WWOX: variants seen among roughly 807,000 people sequenced by gnomAD.
WWOX encodes the protein WW domain containing oxidoreductase, also known as WW domain-containing oxidoreductase.
A neutral mutation model predicts 46.2 loss-of-function variants in WWOX; 69 were observed. The ratio of observed to expected loss-of-function variants is 1.49; its 90% CI spans 1.23 to 1.82. The LOEUF (loss-of-function observed/expected upper bound fraction) is 1.82, where lower values mean the gene tolerates loss of function less well. WWOX is among the 40% of genes most tolerant of loss of function. The pLI is 0.00. For missense variants in WWOX, 919 were observed against 542.6 expected, an observed-to-expected ratio of 1.69 and a Z score of -6.89; for synonymous variants, 359 against 202.6, an observed-to-expected ratio of 1.77 and a Z score of -6.56.
chr16:79,095,712 T>G (rs2049053943), intron 8 of WWOX, among the ~76,000 whole-genome samples: 1 of 151,956 alleles, frequency 6.6e-6, no homozygotes. Context: ...AGGGACTGAG[T>G]TCTTCTCAAC....
At chr16:78,602,243 A>AT (rs1336068303) in intron 8 of WWOX, among the ~76,000 whole-genome samples, 21 of 151,698 alleles carry the variant, frequency 1.4e-4, no homozygotes, top group Admixed American at 9.2e-4. Flanking sequence ...ATCTGGATAG[A>AT]TTTTTTTTAG....
intron 8 of WWOX, among the ~76,000 whole-genome samples, chr16:79,145,044 C>T (rs1326186808): frequency 6.6e-6 from 1 of 152,098 alleles, no homozygotes; most frequent in Admixed American, 6.6e-5. Context: ...CATAAATTTG[C>T]CTGTAAGTGA....
At position 78,403,481 on chromosome 16, in the gene WWOX, C is replaced by G. The variant is rs567687839; in HGVS notation, c.605+16533C>G. The stretch of plus-strand genomic sequence containing the variant: ...CTGCTTTAGTATTGCTTTATGCCTA[C>G]GAAATATAATGTTAATTTGTAGCAA... On this transcript the variant is annotated intron_variant, in intron 6 of 8. Coordinates refer to ENST00000566780, the MANE Select transcript of WWOX (RefSeq NM_016373.4). Among the ~76,000 whole-genome samples the G allele has an allele frequency of 3.2e-4, 49 of 152,218 alleles. No homozygotes were observed. In the South Asian group the frequency reaches 9.7e-3, roughly 30 times the overall value.
chr16:78,101,373 G>T (rs1368207391), intron 1 of WWOX, among the ~76,000 whole-genome samples: 1 of 25,432 alleles, frequency 3.9e-5, no homozygotes, highest in Non-Finnish European at 1.2e-4. Context: ...TAAAGACAGG[G>T]TCTCGCTCCG....
At chr16:78,736,911 C>G (rs945142657) in intron 8 of WWOX, among the ~76,000 whole-genome samples, 6 of 151,904 alleles carry the variant, frequency 3.9e-5, no homozygotes, top group Non-Finnish European at 8.8e-5. Context: ...GCCCGGCCCA[C>G]AATGGTTTTC....
rs1491454431 is a variant in WWOX at position 78,858,143 on chromosome 16, T to TG, written c.1057-353465_1057-353464insG. ...TACCTCTATATACATACATTGTGTG[T>TG]TTGTGTGTGTGTGTGTGTGTGTGTG... is the stretch of plus-strand genomic sequence containing the variant. On this transcript the variant is annotated intron_variant, in intron 8 of 8. Coordinates refer to ENST00000566780, the MANE Select transcript of WWOX (RefSeq NM_016373.4). Among the ~76,000 whole-genome samples, 372 of 107,942 alleles carry TG rather than the reference T, an allele frequency of 3.4e-3. 3 individuals carry two copies. Among genetic ancestry groups the TG allele is most frequent in the African/African-American group, 0.011 (335 of 31,068 alleles). The allele number at this position is 107,942 out of a possible 152,430, so 70.8% of individuals were successfully genotyped here. A position where few individuals can be genotyped will look rare whatever the true frequency, so the allele number is the denominator to read the frequency against.
intron 8 of WWOX, among the ~76,000 whole-genome samples, chr16:78,728,235 T>G (rs1344395261): frequency 6.6e-6 from 1 of 151,786 alleles, no homozygotes; most frequent in African/African-American, 2.4e-5. Context: ...TAGTTGATTT[T>G]TGTATTTTTT....
At chr16:78,896,357 T>C (rs1457173000) in intron 8 of WWOX, 3 of 152,142 alleles carry the variant, frequency 2.0e-5, no homozygotes, top group Non-Finnish European at 4.4e-5. Flanking sequence ...TACAAAGTTA[T>C]CAAAAACGGG....
chr16:78,627,980 G>T (rs1199784254), intron 8 of WWOX, among the ~76,000 whole-genome samples: 2 of 152,242 alleles, frequency 1.3e-5, no homozygotes, highest in African/African-American at 4.8e-5. Flanking sequence ...ACTGGCATTT[G>T]TCCTTGGGAG....
intron 6 of WWOX, among the ~76,000 whole-genome samples, chr16:78,408,320 C>T (rs118189183): frequency 0.013 from 1,942 of 152,244 alleles, 33 homozygotes; most frequent in Non-Finnish European, 0.016. Flanking sequence ...TGTGCATGCT[C>T]ACAAAGTAAT....
chr16:78,613,982 G>A lies in WWOX; in HGVS notation c.1056+181230G>A, dbSNP rs1459356408. Among the ~76,000 whole-genome samples the A allele has an allele frequency of 3.9e-5, 6 of 152,164 alleles. No homozygotes were observed. The East Asian group carries it at 5.8e-4, about 15-fold the overall frequency. On this transcript the variant is annotated intron_variant, in intron 8 of 8. Coordinates refer to ENST00000566780, the MANE Select transcript of WWOX (RefSeq NM_016373.4). ...TGCGATGGCTGCTTTCAGCTACGTT[G>A]GCAGAGCTCAGTAGTCATGACAGTA...
intron 8 of WWOX, among the ~76,000 whole-genome samples, chr16:79,143,730 C>A (rs2050133334): frequency 6.6e-6 from 1 of 151,984 alleles, no homozygotes; most frequent in Non-Finnish European, 1.5e-5. Context: ...GGGATAGGTG[C>A]CGGTTTGTCT....
In WWOX at chr16:79,096,115, G is replaced by T. The variant is rs1227043737; in HGVS notation, c.1057-115493G>T. Among the ~76,000 whole-genome samples the T allele has an allele frequency of 4.8e-5, 7 of 145,152 alleles. No homozygotes were observed. The Admixed American group carries it at 5.0e-4, about 10-fold the overall frequency. ...ACTCCTGACCTCAACTGATCCGCCT[G>T]CCTCGGTCTCCCAAAGTGCTGGGAT... On this transcript the variant is annotated intron_variant, in intron 8 of 8. Transcript: ENST00000566780.
chr16:79,112,561 C>G (rs1014594352), intron 8 of WWOX, among the ~76,000 whole-genome samples: 1 of 152,184 alleles, frequency 6.6e-6, no homozygotes, highest in Non-Finnish European at 1.5e-5. Flanking sequence ...GGGAGCAAGA[C>G]ACCAGCTTTT....
At chr16:78,961,605 G>C (rs960246871) in intron 8 of WWOX, among the ~76,000 whole-genome samples, 3 of 151,924 alleles carry the variant, frequency 2.0e-5, no homozygotes, top group Non-Finnish European at 4.4e-5. Context: ...TAAATGAAAG[G>C]CTTGTTCTTC....
chr16:78,726,952 C>A lies in WWOX; in HGVS notation c.1056+294200C>A, dbSNP rs536766967. 5.9e-5 allele frequency among the ~76,000 whole-genome samples: 9 copies of A among 152,278 alleles called. No homozygotes were observed. The South Asian group carries it at 1.9e-3, about 32-fold the overall frequency. Reference sequence around the variant, plus strand: ...TTAGGGCTGTCTGCACAGTGCTGAGCTTTTGTGTTTTTGGTCATCCCAATG... The same window carrying A: ...TTAGGGCTGTCTGCACAGTGCTGAGATTTTGTGTTTTTGGTCATCCCAATG... On this transcript the variant is annotated intron_variant, in intron 8 of 8. Coordinates refer to ENST00000566780, the MANE Select transcript of WWOX (RefSeq NM_016373.4).
chr16:78,529,696 T>G (rs376269617), intron 8 of WWOX, among the ~76,000 whole-genome samples: 20 of 152,078 alleles, frequency 1.3e-4, no homozygotes, highest in African/African-American at 4.3e-4. Flanking sequence ...CTCGATCTCC[T>G]GACCTCGTGA....
At chr16:78,958,212 G>T (rs986474959) in intron 8 of WWOX, among the ~76,000 whole-genome samples, 3 of 152,124 alleles carry the variant, frequency 2.0e-5, no homozygotes, top group Admixed American at 1.3e-4. Flanking sequence ...TAAACACTCA[G>T]CTCCAGCTAC....
rs183983168 is a variant in WWOX, at chr16:78,488,729, G to A, written c.1056+55977G>A. Reference sequence around the variant, plus strand: ...TGGAATTTTCTTTATGGGCCATTAGGAACTGTGTGACGCTGGGGCATCTGA... The same window carrying A: ...TGGAATTTTCTTTATGGGCCATTAGAAACTGTGTGACGCTGGGGCATCTGA... On this transcript the variant is annotated intron_variant, in intron 8 of 8. Transcript: ENST00000566780. Among the ~76,000 whole-genome samples, 4 of 152,260 alleles carry A rather than the reference G, an allele frequency of 2.6e-5. No homozygotes were observed. The South Asian group carries it at 6.2e-4, about 24-fold the overall frequency.
Sources: gnomAD v4.1 joint callset for allele counts (sites outside exome capture counted in the v4.1 genomes callset) on GRCh38, gnomAD v4.1.1 for gene constraint, MANE v1.5 for transcripts, NCBI Gene and HGNC (gene_info 2026-07-23, HGNC 2026-07-21) for gene names.